The following CAMKMT variants were observed in gnomAD, a reference collection of about 807,000 sequenced individuals.
The protein encoded by CAMKMT is calmodulin-lysine N-methyltransferase.
A neutral mutation model predicts 48.0 loss-of-function variants in CAMKMT; 53 were observed. The observed-to-expected ratio is 1.10, with a 90% CI of 0.89 to 1.39. CAMKMT has a LOEUF of 1.39. Among genes scored for constraint, CAMKMT ranks in the 40% most tolerant of loss-of-function variants. CAMKMT has a pLI of 0.00. For missense variants in CAMKMT, 428 were observed against 402.7 expected, an observed-to-expected ratio of 1.06 and a Z score of -0.54; for synonymous variants, 165 against 152.3, an observed-to-expected ratio of 1.08 and a Z score of -0.61.
At chr2:44,624,131 G>A (rs1468535520) in intron 3 of CAMKMT, among the ~76,000 whole-genome samples, 8 of 152,108 alleles carry the variant, frequency 5.3e-5, no homozygotes, top group Non-Finnish European at 7.4e-5. Flanking sequence ...AGAGTAAGCA[G>A]CCTACAGAAT....
intron 3 of CAMKMT, among the ~76,000 whole-genome samples, chr2:44,658,692 C>T (rs1674511384): frequency 6.6e-6 from 1 of 152,158 alleles, no homozygotes; most frequent in Non-Finnish European, 1.5e-5. Context: ...ATGCTTTCCA[C>T]AAGATTACTA....
intron 3 of CAMKMT, among the ~76,000 whole-genome samples, chr2:44,449,446 A>G (rs1005692495): frequency 6.6e-6 from 1 of 152,126 alleles, no homozygotes; most frequent in African/African-American, 2.4e-5. Flanking sequence ...TTTTCTTCCC[A>G]ATTATCCAAT....
chr2:44,689,268 A>T (rs554013718), intron 3 of CAMKMT, among the ~76,000 whole-genome samples: 12 of 127,892 alleles, frequency 9.4e-5, no homozygotes, highest in African/African-American at 3.9e-4. Context: ...ACTATTTTTT[A>T]TTTATTTATT....
In CAMKMT at chr2:44,706,971, A is replaced by G. The variant is rs570322709; in HGVS notation, c.493-428A>G. Among the ~76,000 whole-genome samples the G allele has an allele frequency of 2.0e-5, 3 of 152,184 alleles. No homozygotes were observed. In the East Asian group the frequency reaches 5.8e-4, roughly 29 times the overall value. The stretch of plus-strand genomic sequence containing the variant: ...CGAGGTTACAGCCCAATGTGCGAGC[A>G]TGTCAAAGCTCACAAAAAAATTACC... On this transcript the variant is annotated intron_variant, in intron 5 of 10. Coordinates refer to ENST00000378494, the MANE Select transcript of CAMKMT (RefSeq NM_024766.5).
intron 3 of CAMKMT, 110 bp downstream of exon 3, chr2:44,390,415 A>G (rs1046749970): frequency 2.9e-6 from 2 of 685,294 alleles, no homozygotes; most frequent in South Asian, 2.2e-5. Flanking sequence ...ATGTATGCAT[A>G]TATGTATATA....
chr2:44,616,687 T>C (rs1415292707), intron 3 of CAMKMT, among the ~76,000 whole-genome samples: 1 of 152,138 alleles, frequency 6.6e-6, no homozygotes, highest in Admixed American at 6.5e-5. Flanking sequence ...TCAACTGACA[T>C]GGGGAATTAC....
intron 3 of CAMKMT, among the ~76,000 whole-genome samples, chr2:44,413,838 C>T (rs1386920454): frequency 1.3e-5 from 2 of 152,150 alleles, no homozygotes; most frequent in African/African-American, 2.4e-5. Flanking sequence ...AACTACCATA[C>T]TGTTCCAGAA....
intron 3 of CAMKMT, among the ~76,000 whole-genome samples, chr2:44,474,405 C>A (rs1467233670): frequency 2.7e-5 from 4 of 150,196 alleles, no homozygotes; most frequent in Non-Finnish European, 5.9e-5. Context: ...TGAGATTGTG[C>A]CATTGCACTC....
intron 3 of CAMKMT, among the ~76,000 whole-genome samples, chr2:44,469,691 C>T (rs1023413525): frequency 1.3e-4 from 20 of 152,008 alleles, no homozygotes; most frequent in Non-Finnish European, 2.2e-4. Flanking sequence ...TTTTAGTATT[C>T]AGTGGTATTG....
At chr2:44,481,001 ATG>A (rs138279574) in intron 3 of CAMKMT, among the ~76,000 whole-genome samples, 193 of 150,554 alleles carry the variant, frequency 1.3e-3, no homozygotes, top group Admixed American at 4.5e-3. Flanking sequence ...CATCCATATT[ATG>A]TGTGTGTGTG....
chr2:44,606,188 A>C (rs1671270585), intron 3 of CAMKMT, among the ~76,000 whole-genome samples: 1 of 152,184 alleles, frequency 6.6e-6, no homozygotes, highest in Non-Finnish European at 1.5e-5. Context: ...AATAGCCACT[A>C]AAGTATTAGC....
chr2:44,517,224 A>C (rs930202221), intron 3 of CAMKMT, among the ~76,000 whole-genome samples: 3 of 152,230 alleles, frequency 2.0e-5, no homozygotes, highest in Non-Finnish European at 4.4e-5. Context: ...TAATTGTTTC[A>C]AAAATTTTTT....
intron 3 of CAMKMT, among the ~76,000 whole-genome samples, chr2:44,593,407 T>C (rs1031962748): frequency 6.6e-6 from 1 of 152,190 alleles, no homozygotes; most frequent in Non-Finnish European, 1.5e-5. Flanking sequence ...GGGTTCTAAC[T>C]CTTTGCAGCT....
intron 3 of CAMKMT, among the ~76,000 whole-genome samples, chr2:44,496,802 A>C (rs1046212814): frequency 2.0e-5 from 3 of 152,208 alleles, no homozygotes; most frequent in African/African-American, 7.2e-5. Context: ...AGAAATGCTT[A>C]GTTCTACTGG....
chr2:44,723,656 A>AT (rs1028184500), intron 7 of CAMKMT: 1 of 149,708 alleles, frequency 6.7e-6, no homozygotes, highest in Non-Finnish European at 1.5e-5. Context: ...AAATAAATAA[A>AT]ATAATAAAGT....
intron 3 of CAMKMT, among the ~76,000 whole-genome samples, chr2:44,452,763 A>C (rs1667357488): frequency 6.6e-6 from 1 of 152,022 alleles, no homozygotes; most frequent in Non-Finnish European, 1.5e-5. Context: ...GACTAGTGAA[A>C]AAATTTTACA....
At chr2:44,500,420 T>A (rs2104739308) in intron 3 of CAMKMT, among the ~76,000 whole-genome samples, 1 of 152,278 alleles carries the variant, frequency 6.6e-6, no homozygotes, top group South Asian at 2.1e-4. Context: ...ATTTTTAAAT[T>A]CCTTGATATT....
intron 3 of CAMKMT, among the ~76,000 whole-genome samples, chr2:44,601,319 G>C (rs1670973238): frequency 6.6e-6 from 1 of 152,048 alleles, no homozygotes; most frequent in African/African-American, 2.4e-5. Context: ...AGCCAGGCAT[G>C]GTGGTACATG....
At chr2:44,382,128 G>T (rs1007942691) in intron 2 of CAMKMT, among the ~76,000 whole-genome samples, 1 of 151,928 alleles carries the variant, frequency 6.6e-6, no homozygotes, top group Non-Finnish European at 1.5e-5. Context: ...TTTTAGTAGA[G>T]ACAGGGTTTC....
Sources: gnomAD v4.1 joint callset for allele counts (sites outside exome capture counted in the v4.1 genomes callset) on GRCh38, gnomAD v4.1.1 for gene constraint, MANE v1.5 for transcripts, NCBI Gene and HGNC (gene_info 2026-07-23, HGNC 2026-07-21) for gene names.